The following KLRG1 variants were observed in gnomAD, a reference collection of about 807,000 sequenced individuals.
KLRG1 encodes killer cell lectin like receptor G1.
KLRG1 carries 16 observed loss-of-function variants against 21.8 expected under a neutral mutation model. The ratio of observed to expected loss-of-function variants is 0.73; its 90% CI spans 0.50 to 1.11. The LOEUF (loss-of-function observed/expected upper bound fraction) is 1.11. KLRG1 is among the 50% of genes most tolerant of loss of function. The pLI is 0.00. For missense variants in KLRG1, 173 were observed against 218.3 expected (o/e 0.79, Z 1.31); for synonymous variants, 69 against 75.9 (o/e 0.91, Z 0.47).
the KLRG1 span, among the ~76,000 whole-genome samples, chr12:9,130,806 A>G: frequency 2.6e-5 from 4 of 151,824 alleles, no homozygotes; most frequent in African/African-American, 9.7e-5. Context: ...AGTTTGATGT[A>G]GTCCCATTTA....
At chr12:9,148,700 C>A in the KLRG1 span, 1 of 375,180 alleles carries the variant, frequency 2.7e-6, no homozygotes, top group Non-Finnish European at 4.8e-6. Flanking sequence ...AATTTCTTTA[C>A]CTGCAACCTC....
the KLRG1 span, among the ~76,000 whole-genome samples, chr12:9,057,187 T>G: frequency 2.0e-5 from 3 of 152,220 alleles, no homozygotes; most frequent in Admixed American, 2.0e-4. Flanking sequence ...CACACTTTTA[T>G]TGCTTTAAGA....
At chr12:9,082,298 T>C in the KLRG1 span, among the ~76,000 whole-genome samples, 1 of 152,292 alleles carries the variant, frequency 6.6e-6, no homozygotes, top group East Asian at 1.9e-4. Context: ...AGGTCCCAAA[T>C]AGCAGAATCA....
intron 1 of KLRG1, among the ~76,000 whole-genome samples, chr12:8,975,817 C>T (rs930299456): frequency 1.3e-5 from 2 of 152,164 alleles, no homozygotes; most frequent in African/African-American, 4.8e-5. Flanking sequence ...CCACCTTGGC[C>T]TCCTGAAGTG....
chr12:9,194,385 G>A, the KLRG1 span: 1 of 601,592 alleles, frequency 1.7e-6, no homozygotes, highest in Non-Finnish European at 2.8e-6. Context: ...ACGACAAAAT[G>A]TTTCCTTCCA....
chr12:9,009,929 A>G lies in KLRG1; in HGVS notation c.*392A>G, dbSNP rs1272856659. 9.9e-6 allele frequency: 15 copies of G among 1,515,944 alleles called. No homozygotes were observed. Among genetic ancestry groups the G allele is most frequent in the Non-Finnish European group, 1.1e-5 (12 of 1,130,340 alleles). 93.9% of individuals were successfully genotyped at this position (1,515,944 alleles called of 1,614,324 possible). A position where few individuals can be genotyped will look rare whatever the true frequency, so the allele number is the denominator to read the frequency against. ...CAATATATACTATTGCTTGTGTACT[A>G]GAGAAGTACATTATTGCTGTACTCC... On this transcript the variant is annotated 3_prime_UTR_variant, in exon 5 of 5. Transcript: ENST00000356986.
chr12:9,205,071 T>G, the KLRG1 span, among the ~76,000 whole-genome samples: 2 of 152,256 alleles, frequency 1.3e-5, no homozygotes, highest in South Asian at 2.1e-4. Flanking sequence ...GCTTTCAGAG[T>G]GACAGAGTGA....
chr12:8,995,405 T>G, intron 3 of KLRG1, 117 bp downstream of exon 3: 1 of 871,966 alleles, frequency 1.1e-6, no homozygotes, highest in Non-Finnish European at 1.7e-6. Context: ...ATCTGTGATT[T>G]GGGGGGGATA....
the KLRG1 span, among the ~76,000 whole-genome samples, chr12:9,086,209 T>C: frequency 3.3e-5 from 5 of 152,130 alleles, no homozygotes; most frequent in African/African-American, 9.7e-5. Context: ...TACAGACCAA[T>C]ATTCTTGATG....
chr12:9,179,429 A>G, the KLRG1 span, among the ~76,000 whole-genome samples: 1 of 152,242 alleles, frequency 6.6e-6, no homozygotes, highest in African/African-American at 2.4e-5. Context: ...AATCATCACG[A>G]CATGCCAAGT....
the KLRG1 span, among the ~76,000 whole-genome samples, chr12:9,122,979 A>G: frequency 6.6e-6 from 1 of 152,170 alleles, no homozygotes; most frequent in Non-Finnish European, 1.5e-5. Flanking sequence ...AGACATCATA[A>G]TGTAATTTTT....
chr12:9,167,877 C>T, the KLRG1 span, among the ~76,000 whole-genome samples: 1 of 152,046 alleles, frequency 6.6e-6, no homozygotes, highest in East Asian at 1.9e-4. Context: ...TTTCCTTTCC[C>T]TTATTCTTTA....
the KLRG1 span, among the ~76,000 whole-genome samples, chr12:9,186,826 G>T: frequency 6.6e-5 from 7 of 105,468 alleles, no homozygotes; most frequent in Admixed American, 1.0e-3. Context: ...ACAGGGAGGG[G>T]AACATCACAC....
At chr12:9,158,353 C>T in the KLRG1 span, 1 of 1,573,894 alleles carries the variant, frequency 6.4e-7, no homozygotes, top group East Asian at 2.2e-5. Flanking sequence ...TGCCTCCTTC[C>T]TCCCTTCACC....
the KLRG1 span, among the ~76,000 whole-genome samples, chr12:9,212,682 G>C: frequency 6.6e-6 from 1 of 151,710 alleles, no homozygotes; most frequent in Non-Finnish European, 1.5e-5. Context: ...CTGAATGAAT[G>C]TGCAATAAAG....
At chr12:9,031,248 A>G in the KLRG1 span, among the ~76,000 whole-genome samples, 1 of 152,218 alleles carries the variant, frequency 6.6e-6, no homozygotes, top group Non-Finnish European at 1.5e-5. Context: ...ACAACAGTTC[A>G]GTTCCTCAGA....
chr12:9,121,841 A>C, the KLRG1 span, among the ~76,000 whole-genome samples: 2 of 152,204 alleles, frequency 1.3e-5, no homozygotes, highest in Non-Finnish European at 2.9e-5. This position sits in a 1 kb window ranked among gnomAD's most constrained non-coding sequence, Gnocchi z 4.4. Flanking sequence ...AAATTTATAG[A>C]TACTATCTCA....
the KLRG1 span, chr12:9,153,485 T>C: frequency 1.6e-6 from 1 of 610,256 alleles, no homozygotes; most frequent in South Asian, 2.2e-5. Context: ...CTTTCCTTTT[T>C]CTCTGCCTTT....
the KLRG1 span, chr12:9,109,322 G>T: frequency 6.2e-7 from 1 of 1,609,414 alleles, no homozygotes; most frequent in Non-Finnish European, 8.5e-7. Flanking sequence ...TGAACTCACA[G>T]GCCACACACT....
Sources: allele counts gnomAD v4.1 joint callset (sites outside exome capture counted in the v4.1 genomes callset), GRCh38; gene constraint gnomAD v4.1.1; non-coding constraint Gnocchi (gnomAD v3.1); transcripts MANE v1.5; gene names NCBI Gene and HGNC (gene_info 2026-07-23, HGNC 2026-07-21).